Variants in FARS2 observed in about 807,000 individuals in gnomAD.
FARS2 encodes phenylalanine--tRNA ligase, mitochondrial.
Under a neutral mutation model 46.4 loss-of-function variants are expected in FARS2, and 40 were observed. The observed-to-expected ratio is 0.86, with a 90% CI of 0.67 to 1.12. The LOEUF (loss-of-function observed/expected upper bound fraction) is 1.12. Among genes scored for constraint, FARS2 ranks in the 50% most tolerant of loss-of-function variants. The pLI is 0.00. For missense variants in FARS2, 513 were observed against 567.9 expected (o/e 0.90, Z 0.98); for synonymous variants, 234 against 214.9 (o/e 1.09, Z -0.78).
chr6:5,505,518 TTAAAG>T (rs1409392855), intron 4 of FARS2, among the ~76,000 whole-genome samples: 2 of 152,192 alleles, frequency 1.3e-5, no homozygotes, highest in Admixed American at 6.5e-5. Flanking sequence ...GATTAAGAGA[TTAAAG>T]TAAAGACAGG....
intron 5 of FARS2, among the ~76,000 whole-genome samples, chr6:5,603,349 A>C (rs1200007281): frequency 6.6e-6 from 1 of 152,158 alleles, no homozygotes; most frequent in African/African-American, 2.4e-5. Context: ...TACTTACATA[A>C]ATGCAGAAGG....
intron 6 of FARS2, among the ~76,000 whole-genome samples, chr6:5,756,116 G>C (rs959455326): frequency 2.6e-4 from 40 of 152,286 alleles, no homozygotes; most frequent in African/African-American, 9.4e-4. Flanking sequence ...GTCGGCCAAA[G>C]CTTTCATTCT....
chr6:5,322,309 G>A (rs142614750), intron 1 of FARS2, among the ~76,000 whole-genome samples: 6 of 152,296 alleles, frequency 3.9e-5, no homozygotes, highest in Non-Finnish European at 8.8e-5. Flanking sequence ...AGTTAAAAAA[G>A]TTAGATTATA....
At chr6:5,501,169 A>G (rs1311190852) in intron 4 of FARS2, among the ~76,000 whole-genome samples, 1 of 152,120 alleles carries the variant, frequency 6.6e-6, no homozygotes, top group Non-Finnish European at 1.5e-5. Context: ...TCTAGTATCT[A>G]AACCTCAAAG....
At chr6:5,568,989 C>G (rs1772477597) in intron 5 of FARS2, among the ~76,000 whole-genome samples, 1 of 151,314 alleles carries the variant, frequency 6.6e-6, no homozygotes, top group Non-Finnish European at 1.5e-5. Flanking sequence ...GGCTTAACAC[C>G]TAAATTGGGG....
At chr6:5,263,790 T>C (rs1199331565) in intron 1 of FARS2, among the ~76,000 whole-genome samples, 1 of 152,260 alleles carries the variant, frequency 6.6e-6, no homozygotes, top group Admixed American at 6.5e-5. Context: ...GACCACTTAA[T>C]GCTTTGTGAA....
At chr6:5,699,528 G>A (rs557871942) in intron 6 of FARS2, among the ~76,000 whole-genome samples, 16 of 149,436 alleles carry the variant, frequency 1.1e-4, no homozygotes, top group African/African-American at 3.7e-4. Context: ...TTTTTTTTGA[G>A]GTGGCGTCTC....
At chr6:5,694,563 T>C (rs1280459592) in intron 6 of FARS2, among the ~76,000 whole-genome samples, 1 of 152,162 alleles carries the variant, frequency 6.6e-6, no homozygotes, top group Non-Finnish European at 1.5e-5. Context: ...TATTTAGCCA[T>C]GATAAATAGA....
chr6:5,586,551 T>C (rs1219060230), intron 5 of FARS2, among the ~76,000 whole-genome samples: 1 of 152,194 alleles, frequency 6.6e-6, no homozygotes, highest in Non-Finnish European at 1.5e-5. Flanking sequence ...CACTTGATCA[T>C]GGTGTATGGT....
intron 5 of FARS2, among the ~76,000 whole-genome samples, chr6:5,591,444 T>G (rs1395955766): frequency 3.9e-5 from 6 of 152,206 alleles, no homozygotes; most frequent in African/African-American, 1.4e-4. Context: ...GTGGGGAAGA[T>G]CACAGAAACA....
intron 1 of FARS2, among the ~76,000 whole-genome samples, chr6:5,272,133 C>T (rs1766000749): frequency 6.6e-6 from 1 of 152,180 alleles, no homozygotes; most frequent in South Asian, 2.1e-4. Flanking sequence ...GCTGCATACA[C>T]GCTACCTGCC....
In FARS2 at chr6:5,352,966, A is replaced by G. The variant is rs533488749; in HGVS notation, c.-21-15584A>G. Among the ~76,000 whole-genome samples, 11 of 152,292 alleles carry G rather than the reference A, an allele frequency of 7.2e-5. No individual in the cohort carries two copies. The East Asian group carries it at 1.2e-3, about 16-fold the overall frequency. On this transcript the variant is annotated intron_variant, in intron 1 of 6. Transcript: ENST00000274680. ...AGATATTTTGAAATTATATCATACA[A>G]TATTGTTAATGATAATCACCCTTCT...
At chr6:5,692,479 C>G (rs1373082195) in intron 6 of FARS2, among the ~76,000 whole-genome samples, 1 of 152,144 alleles carries the variant, frequency 6.6e-6, no homozygotes, top group South Asian at 2.1e-4. Flanking sequence ...AAAACATTGG[C>G]TAAGTACTCA....
At chr6:5,300,769 C>T (rs1768241918) in intron 1 of FARS2, among the ~76,000 whole-genome samples, 1 of 152,084 alleles carries the variant, frequency 6.6e-6, no homozygotes, top group Admixed American at 6.6e-5. Flanking sequence ...CTCCCAGGCT[C>T]AAGCTACCCT....
At chr6:5,270,440 C>T (rs1368020965) in intron 1 of FARS2, among the ~76,000 whole-genome samples, 1 of 152,174 alleles carries the variant, frequency 6.6e-6, no homozygotes, top group South Asian at 2.1e-4. Flanking sequence ...CAGATTAATA[C>T]GTTTCAGGAC....
intron 6 of FARS2, among the ~76,000 whole-genome samples, chr6:5,701,784 G>C (rs1466537785): frequency 1.3e-5 from 2 of 152,178 alleles, no homozygotes; most frequent in East Asian, 3.8e-4. Flanking sequence ...AGGCTAATTG[G>C]AATTCTCAGT....
chr6:5,762,259 C>G (rs1365786336), intron 6 of FARS2, among the ~76,000 whole-genome samples: 1 of 152,174 alleles, frequency 6.6e-6, no homozygotes, highest in South Asian at 2.1e-4. Context: ...TTTTTTCATT[C>G]AATTCCTTCA....
chr6:5,402,939 A>C (rs867599168), intron 2 of FARS2, among the ~76,000 whole-genome samples: 15 of 152,054 alleles, frequency 9.9e-5, no homozygotes, highest in Middle Eastern at 3.4e-3. Flanking sequence ...TATTTTTTCC[A>C]GCTTGCTCTT....
rs199992978 is a variant in FARS2 at position 5,614,411 on chromosome 6, C to CTTTTTTTTT, written c.1217+1099_1217+1107dup. Reference sequence around the variant, plus strand: ...GACTCCCACCTGTTTCCTTCTTTGTCTTTTTTTTTTTTTTTTGAGACGGAG... The same window carrying CTTTTTTTTT: ...GACTCCCACCTGTTTCCTTCTTTGTCTTTTTTTTTTTTTTTTTTTTTTTTTGAGACGGAG... On this transcript the variant is annotated intron_variant, in intron 6 of 6. Transcript: ENST00000274680. 9.4e-3 allele frequency among the ~76,000 whole-genome samples: 1,307 copies of CTTTTTTTTT among 139,318 alleles called. 32 individuals are homozygous for CTTTTTTTTT. The highest frequency in any genetic ancestry group is 0.033 in the African/African-American group (1,227 of 37,016). 91.4% of individuals were successfully genotyped at this position (139,318 alleles called of 152,430 possible). A position where few individuals can be genotyped will look rare whatever the true frequency, so the allele number is the denominator to read the frequency against.
Sources: gnomAD v4.1 joint callset for allele counts (sites outside exome capture counted in the v4.1 genomes callset) on GRCh38, gnomAD v4.1.1 for gene constraint, MANE v1.5 for transcripts, NCBI Gene and HGNC (gene_info 2026-07-23, HGNC 2026-07-21) for gene names.